QSER1: variants seen among roughly 807,000 people sequenced by gnomAD.
The protein encoded by QSER1 is glutamine and serine-rich protein 1.
A neutral mutation model predicts 158.5 loss-of-function variants in QSER1; 49 were observed. That is an observed-to-expected ratio of 0.31 (90% CI 0.25 to 0.39). QSER1 has a LOEUF of 0.39. Among genes scored for constraint, QSER1 ranks in the 10% least tolerant of loss-of-function variants. QSER1 has a pLI of 1.00. For synonymous variants in QSER1, 650 were observed against 715.5 expected (o/e 0.91, Z 1.46); for missense variants, 1,754 against 2,010.3 (o/e 0.87, Z 2.44).
intron 1 of QSER1, among the ~76,000 whole-genome samples, chr11:32,899,027 G>C (rs145180648): frequency 6.6e-6 from 1 of 152,144 alleles, no homozygotes; most frequent in East Asian, 1.9e-4. Context: ...CTCACTCCTT[G>C]TTGCTTTGTG....
At chr11:32,976,300 A>C in intron 12 of QSER1, 34 bp from the exon 13 acceptor site, 4 of 1,516,132 alleles carry the variant, frequency 2.6e-6, no homozygotes, top group Non-Finnish European at 3.5e-6. Flanking sequence ...TGATGTGATA[A>C]GTATAAGCTA....
In QSER1 at chr11:32,957,936, A is replaced by C; in HGVS notation, c.4819A>C (p.Thr1607Pro). The change falls in exon 8 of 13, where the codon ACA becomes CCA. Residue 1607 changes from threonine (T) to proline (P), a missense_variant. Coordinates refer to ENST00000650167, the MANE Select transcript of QSER1 (RefSeq NM_001076786.3). ...SDPLASKTTT[T>P]KAPSVKPKVK... ...TCCTCTAGCATCAAAAACTACAACT[A>C]CAAAAGCCCCTTCCGTGAAACCCAA... 6.2e-7 allele frequency: 1 copy of C among 1,614,168 alleles called. No homozygotes were observed. The highest frequency in any genetic ancestry group is 1.1e-5 in the South Asian group (1 of 91,086).
Position 32,954,045 on chromosome 11 carries a change from C to G in QSER1, c.4366C>G (p.Gln1456Glu). The G allele has an allele frequency of 4.3e-6, 7 of 1,614,066 alleles. No individual in the cohort carries two copies. The highest frequency in any genetic ancestry group is 5.9e-6 in the Non-Finnish European group (7 of 1,180,012). The change falls in exon 5 of 13, where the codon CAG becomes GAG. Residue 1456 changes from glutamine (Q) to glutamate (E), a missense_variant. Gln to Glu is a conservative substitution (Grantham distance 29, BLOSUM62 2). Coordinates refer to ENST00000650167, the MANE Select transcript of QSER1 (RefSeq NM_001076786.3). Reference protein sequence around the residue: ...PIELDGLPSDQFAKGQDTVAI... With the variant: ...PIELDGLPSDEFAKGQDTVAI... The stretch of plus-strand genomic sequence containing the variant: ...TGAACTTGATGGTCTTCCTTCAGAC[C>G]AGTTTGCAAAAGGACAGGACACTGT...
Position 32,978,456 on chromosome 11 carries a change from C to G in QSER1, c.*1982C>G, listed in dbSNP as rs1853014053. 1 of 152,198 alleles carries G rather than the reference C, an allele frequency of 6.6e-6. No individual in the cohort carries two copies. The highest frequency in any genetic ancestry group is 2.4e-5 in the African/African-American group (1 of 41,458). 9.4% of individuals were successfully genotyped at this position (152,198 alleles called of 1,614,324 possible). A position where few individuals can be genotyped will look rare whatever the true frequency, so the allele number is the denominator to read the frequency against. The stretch of plus-strand genomic sequence containing the variant: ...ATACATCTTTATATTACTCTTCCAG[C>G]CTACGTTCCTAAATCATTGATAATT... On this transcript the variant is annotated 3_prime_UTR_variant, in exon 13 of 13. Coordinates refer to ENST00000650167, the MANE Select transcript of QSER1 (RefSeq NM_001076786.3).
intron 4 of QSER1, among the ~76,000 whole-genome samples, chr11:32,941,539 T>C (rs1325721056): frequency 6.6e-6 from 1 of 152,070 alleles, no homozygotes; most frequent in East Asian, 1.9e-4. Context: ...ATTTCATCCA[T>C]GTCCCTACAA....
intron 1 of QSER1, among the ~76,000 whole-genome samples, chr11:32,923,911 T>C (rs990152072): frequency 2.0e-5 from 3 of 152,134 alleles, no homozygotes; most frequent in African/African-American, 7.2e-5. Flanking sequence ...GAGGTTGCAG[T>C]GAACTGAGAT....
rs571216269 is a variant in QSER1, at chr11:32,921,964, G to A, written c.210-5193G>A. On this transcript the variant is annotated intron_variant, in intron 1 of 12. Transcript: ENST00000650167. The stretch of plus-strand genomic sequence containing the variant: ...AGAAACCCATATATATGGTTTATTG[G>A]TTTTTGACAGAGGTGCCAAGACAAT... 2.0e-4 allele frequency among the ~76,000 whole-genome samples: 30 copies of A among 152,274 alleles called. No homozygotes were observed. The South Asian group carries it at 6.0e-3, about 31-fold the overall frequency.
At chr11:32,929,350 G>A (rs1055862583) in intron 3 of QSER1, among the ~76,000 whole-genome samples, 1 of 152,076 alleles carries the variant, frequency 6.6e-6, no homozygotes, top group Admixed American at 6.5e-5. Flanking sequence ...GACCTCATTC[G>A]ATCTGCCTGC....
chr11:32,977,063 T>C lies in QSER1; in HGVS notation c.*589T>C. ...TTCAGGAAACTGGATGTGGAATTGG[T>C]GCAATTCTCTGACTGCTTTTTGTGT... is the stretch of plus-strand genomic sequence containing the variant. On this transcript the variant is annotated 3_prime_UTR_variant, in exon 13 of 13. Transcript: ENST00000650167. 1 of 152,666 alleles carries C rather than the reference T, an allele frequency of 6.6e-6. No individual in the cohort carries two copies. Among genetic ancestry groups the C allele is most frequent in the South Asian group, 2.1e-4 (1 of 4,828 alleles). 9.5% of individuals were successfully genotyped at this position (152,666 alleles called of 1,614,324 possible).
At chr11:32,895,651 G>A (rs965295486) in intron 1 of QSER1, among the ~76,000 whole-genome samples, 2 of 152,146 alleles carry the variant, frequency 1.3e-5, no homozygotes, top group Non-Finnish European at 2.9e-5. Flanking sequence ...ATGTAATATG[G>A]ATACTTATCC....
In QSER1 at chr11:32,932,338, A is replaced by G. The variant is rs1189326042; in HGVS notation, c.1080A>G (p.Ser360=). ...ATTTTCAGGAAACAACCAGGCAGTCATCTTTATCCTGTAGCCCAATTGGAG... is the reference window on the plus strand; with the variant it reads ...ATTTTCAGGAAACAACCAGGCAGTCGTCTTTATCCTGTAGCCCAATTGGAG... ...VVNFQETTRQ[S]SLSCSPIGDS... The change falls in exon 4 of 13, where the codon TCA becomes TCG. Residue 360 remains serine (S), a synonymous_variant. Coordinates refer to ENST00000650167, the MANE Select transcript of QSER1 (RefSeq NM_001076786.3). 7.4e-6 allele frequency: 12 copies of G among 1,612,750 alleles called. No individual in the cohort carries two copies. The highest frequency in any genetic ancestry group is 5.3e-5 in the African/African-American group (4 of 74,950).
intron 1 of QSER1, among the ~76,000 whole-genome samples, chr11:32,924,489 A>G (rs1439095515): frequency 1.4e-5 from 2 of 147,476 alleles, no homozygotes; most frequent in African/African-American, 5.0e-5. Context: ...GAGCCCGGGA[A>G]GTGGAGGCTG....
At position 32,934,493 on chromosome 11, in the gene QSER1, C is replaced by G. The variant is rs542096917; in HGVS notation, c.3235C>G (p.Pro1079Ala). 3.7e-6 allele frequency: 6 copies of G among 1,613,662 alleles called. No individual in the cohort carries two copies. In the South Asian group the frequency reaches 6.6e-5, roughly 18 times the overall value. Residue 1079 changes from proline to alanine, a missense_variant, in exon 4 of 13, where the codon CCT (proline) becomes GCT (alanine). Coordinates refer to ENST00000650167, the MANE Select transcript of QSER1 (RefSeq NM_001076786.3). ...TCTTGATCAACAGCACATTGAAACA[C>G]CTGGTCAAAATATACCAACTAAAGT... ...MTLDQQHIET[P>A]GQNIPTKVTS... is the part of the protein sequence containing the mutation.
chr11:32,905,835 T>C (rs960097039), intron 1 of QSER1, among the ~76,000 whole-genome samples: 1 of 152,218 alleles, frequency 6.6e-6, no homozygotes, highest in Non-Finnish European at 1.5e-5. Context: ...TTCATAGATA[T>C]CAAGCATATT....
intron 7 of QSER1, 170 bp from the exon 8 acceptor site, chr11:32,957,699 A>G (rs1852544093): frequency 1.7e-6 from 1 of 596,170 alleles, no homozygotes; most frequent in Non-Finnish European, 2.9e-6. Context: ...TTTTAAGAAA[A>G]TTTTATGGGA....
Position 32,931,756 on chromosome 11 carries a change from A to G in QSER1, c.498A>G (p.Ser166=). 6.3e-7 allele frequency: 1 copy of G among 1,596,682 alleles called. No individual in the cohort carries two copies. The highest frequency in any genetic ancestry group is 8.5e-7 in the Non-Finnish European group (1 of 1,172,980). Reference sequence around the variant, plus strand: ...TTTTCTTCATAGGCATGCATTCCTCAGCAGCAACTGAGCTGTTTGCTACTG... The same window carrying G: ...TTTTCTTCATAGGCATGCATTCCTCGGCAGCAACTGAGCTGTTTGCTACTG... ...APSWQTGMHS[S]AATELFATGP... The change falls in exon 4 of 13, where the codon TCA becomes TCG. Residue 166 remains serine, a synonymous_variant. Coordinates refer to ENST00000650167, the MANE Select transcript of QSER1 (RefSeq NM_001076786.3).
intron 1 of QSER1, among the ~76,000 whole-genome samples, chr11:32,909,950 C>A (rs1436121719): frequency 6.6e-6 from 1 of 152,154 alleles, no homozygotes; most frequent in African/African-American, 2.4e-5. Context: ...TTTAGACACT[C>A]CCATGCTTAA....
At chr11:32,925,531 TTTA>T (rs1851958280) in intron 1 of QSER1, among the ~76,000 whole-genome samples, 1 of 149,066 alleles carries the variant, frequency 6.7e-6, no homozygotes, top group African/African-American at 2.4e-5. Context: ...TATTTATTTA[TTTA>T]TTTATTTTTT....
intron 1 of QSER1, among the ~76,000 whole-genome samples, chr11:32,917,259 G>A (rs1226119545): frequency 6.6e-6 from 1 of 152,098 alleles, no homozygotes; most frequent in East Asian, 1.9e-4. Context: ...TCATTTATTA[G>A]TTTTTGCACA....
Sources: gnomAD v4.1 joint callset for allele counts (sites outside exome capture counted in the v4.1 genomes callset) on GRCh38, gnomAD v4.1.1 for gene constraint, MANE v1.5 for transcripts, NCBI Gene and HGNC (gene_info 2026-07-23, HGNC 2026-07-21) for gene names.